SLC35G1: variants seen among roughly 807,000 people sequenced by gnomAD.
SLC35G1 encodes solute carrier family 35 member G1, also known as partner of STIM1.
A neutral mutation model predicts 17.1 loss-of-function variants in SLC35G1; 10 were observed. That is an observed-to-expected ratio of 0.59 (90% CI 0.36 to 0.99). The LOEUF is 0.99. Among genes scored for constraint, SLC35G1 ranks in the 50% least tolerant of loss-of-function variants. The pLI is 0.01. For missense variants in SLC35G1, 433 were observed against 468.4 expected, an observed-to-expected ratio of 0.92 and a Z score of 0.70; for synonymous variants, 185 against 181.1, an observed-to-expected ratio of 1.02 and a Z score of -0.18.
Position 93,894,208 on chromosome 10 carries a change from C to G in SLC35G1, c.175C>G (p.Pro59Ala). Reference sequence around the variant, plus strand: ...CTCGCCGTGTTGCTCCCGCACCGAGCCGGGTGAGTGCGCGGTGTGGATCGG... The same window carrying G: ...CTCGCCGTGTTGCTCCCGCACCGAGGCGGGTGAGTGCGCGGTGTGGATCGG... ...LSSPCCSRTE[P>A]EAKKKAPCPG... Residue 59 changes from proline (P) to alanine (A), a missense_variant, in exon 1 of 3, where the codon CCG becomes GCG. Pro to Ala is a conservative substitution (Grantham distance 27). Coordinates refer to ENST00000427197, the MANE Select transcript of SLC35G1 (RefSeq NM_001134658.3). The G allele has an allele frequency of 7.2e-7, 1 of 1,388,670 alleles. No individual in the cohort carries two copies. Among genetic ancestry groups the G allele is most frequent in the East Asian group, 3.1e-5 (1 of 32,566 alleles). 86.0% of individuals were successfully genotyped at this position (1,388,670 alleles called of 1,614,324 possible). A position where few individuals can be genotyped will look rare whatever the true frequency, so the allele number is the denominator to read the frequency against.
In SLC35G1 at chr10:93,901,118, A is replaced by G. The variant is rs766051384; in HGVS notation, c.726A>G (p.Leu242=). The change falls in exon 3 of 3, where the codon CTA becomes CTG. Residue 242 remains leucine (L), a synonymous_variant. Coordinates refer to ENST00000427197, the MANE Select transcript of SLC35G1 (RefSeq NM_001134658.3). Reference sequence around the variant, plus strand: ...TTGCTGCATCGACTCTAGTTATCCTAAGAAAAATGGGAAAATCTGTGGACT... The same window carrying G: ...TTGCTGCATCGACTCTAGTTATCCTGAGAAAAATGGGAAAATCTGTGGACT... ...AVFAASTLVI[L]RKMGKSVDYF... 2 of 1,613,978 alleles carry G rather than the reference A, an allele frequency of 1.2e-6. No individual in the cohort carries two copies. Among genetic ancestry groups the G allele is most frequent in the Admixed American group, 3.3e-5 (2 of 60,002 alleles).
downstream of SLC35G1, among the ~76,000 whole-genome samples, chr10:93,905,319 A>G (rs2060421518): frequency 6.6e-6 from 1 of 151,978 alleles, no homozygotes; most frequent in Non-Finnish European, 1.5e-5. Flanking sequence ...TGGGCATTAG[A>G]ATTTGGTTAT....
At chr10:93,907,311 T>C (rs1228345763), downstream of SLC35G1, 3 of 152,218 alleles carry the variant, frequency 2.0e-5, no homozygotes, top group Non-Finnish European at 4.4e-5. Flanking sequence ...CAGAAGTCTT[T>C]GGTACTTTGC....
chr10:93,903,581 G>C lies in SLC35G1; in HGVS notation c.*2091G>C, dbSNP rs2060410242. ...GGCCCATACACTAGAGACATGTTTT[G>C]TTTGAACAATGTAGTTTAAGTACTT... On this transcript the variant is annotated 3_prime_UTR_variant, in exon 3 of 3. Transcript: ENST00000427197. 1 of 152,128 alleles carries C rather than the reference G, an allele frequency of 6.6e-6. No homozygotes were observed. Among genetic ancestry groups the C allele is most frequent in the Non-Finnish European group, 1.5e-5 (1 of 68,014 alleles). 9.4% of individuals were successfully genotyped at this position (152,128 alleles called of 1,614,324 possible). A position where few individuals can be genotyped will look rare whatever the true frequency, so the allele number is the denominator to read the frequency against.
chr10:93,900,566 T>C (rs1045656822), intron 2 of SLC35G1, among the ~76,000 whole-genome samples, 186 bp from the exon 3 acceptor site: 9 of 152,284 alleles, frequency 5.9e-5, no homozygotes, highest in African/African-American at 1.7e-4. Flanking sequence ...TTTACTGTCA[T>C]TAACTATACT....
chr10:93,899,134 G>T (rs935825073), intron 2 of SLC35G1, among the ~76,000 whole-genome samples: 1 of 152,010 alleles, frequency 6.6e-6, no homozygotes, highest in Non-Finnish European at 1.5e-5. Context: ...TTTTAGAATG[G>T]GCTGCTTTCT....
intron 2 of SLC35G1, among the ~76,000 whole-genome samples, 200 bp downstream of exon 2, chr10:93,898,951 T>A (rs1034501756): frequency 1.3e-5 from 2 of 152,156 alleles, no homozygotes; most frequent in Admixed American, 1.3e-4. Context: ...CCCAACAAAG[T>A]GGGGAGAAAG....
At chr10:93,895,200 C>T (rs2060318089) in intron 1 of SLC35G1, among the ~76,000 whole-genome samples, 1 of 152,172 alleles carries the variant, frequency 6.6e-6, no homozygotes, top group African/African-American at 2.4e-5. Flanking sequence ...CCTCTCACTG[C>T]GCTTTCCCCT....
chr10:93,896,424 G>A (rs2060330654), intron 1 of SLC35G1, among the ~76,000 whole-genome samples: 1 of 152,178 alleles, frequency 6.6e-6, no homozygotes, highest in Admixed American at 6.5e-5. Flanking sequence ...ATTACACCAT[G>A]GCCACTTACC....
At chr10:93,909,331 A>G (rs2060445342) in exon 3 of SLC35G1, 2 of 152,062 alleles carry the variant, frequency 1.3e-5, no homozygotes, top group Admixed American at 6.5e-5. Context: ...TCCTGACTCC[A>G]CTATTCTGCT....
chr10:93,908,478 CTG>C (rs2060441033), downstream of SLC35G1: 1 of 152,254 alleles, frequency 6.6e-6, no homozygotes, highest in African/African-American at 2.4e-5. Context: ...TCATTTGTCA[CTG>C]TGGTGGAGAA....
intron 1 of SLC35G1, among the ~76,000 whole-genome samples, chr10:93,897,211 T>C (rs770623822): frequency 3.3e-5 from 5 of 152,164 alleles, no homozygotes; most frequent in Non-Finnish European, 5.9e-5. Flanking sequence ...AAGGGTGCCT[T>C]TGACCACAAG....
chr10:93,899,338 T>G (rs997570428), intron 2 of SLC35G1, among the ~76,000 whole-genome samples: 4 of 152,176 alleles, frequency 2.6e-5, no homozygotes, highest in Non-Finnish European at 4.4e-5. Context: ...GAGTGCCTTG[T>G]GTAGAGTGTA....
downstream of SLC35G1, among the ~76,000 whole-genome samples, chr10:93,905,001 G>T (rs2060419391): frequency 6.6e-6 from 1 of 152,104 alleles, no homozygotes; most frequent in Admixed American, 6.5e-5. Flanking sequence ...TCACTTCCTA[G>T]CTGATCTTCC....
In SLC35G1 at chr10:93,902,147, C is replaced by T. The variant is rs1406358381; in HGVS notation, c.*657C>T. 5 of 152,514 alleles carry T rather than the reference C, an allele frequency of 3.3e-5. No homozygotes were observed. The highest frequency in any genetic ancestry group is 7.4e-5 in the Non-Finnish European group (5 of 68,022). The allele number at this position is 152,514 out of a possible 1,614,324, so 9.4% of individuals were successfully genotyped here. Reference sequence around the variant, plus strand: ...TAATGCTGGAATTTTTATTATGTCACCTCTAAAACACTTAAATTGCCAAAT... The same window carrying T: ...TAATGCTGGAATTTTTATTATGTCATCTCTAAAACACTTAAATTGCCAAAT... On this transcript the variant is annotated 3_prime_UTR_variant, in exon 3 of 3. Transcript: ENST00000427197.
chr10:93,897,455 C>T (rs757708096), intron 1 of SLC35G1, among the ~76,000 whole-genome samples: 1 of 152,210 alleles, frequency 6.6e-6, no homozygotes, highest in Non-Finnish European at 1.5e-5. Context: ...TCCACTCACC[C>T]TTCAGTTCCA....
chr10:93,904,183 T>G (rs148073700), downstream of SLC35G1, among the ~76,000 whole-genome samples: 1,014 of 152,298 alleles, frequency 6.7e-3, 19 homozygotes, highest in African/African-American at 0.024. Flanking sequence ...ATTTATTCTT[T>G]CCTCACCATT....
chr10:93,897,807 C>G (rs1033257566), intron 1 of SLC35G1, among the ~76,000 whole-genome samples: 4 of 152,242 alleles, frequency 2.6e-5, no homozygotes, highest in Non-Finnish European at 4.4e-5. Flanking sequence ...GTACAAAGCA[C>G]TTGGGATCCA....
Position 93,901,708 on chromosome 10 carries a change from T to TTTG in SLC35G1, c.*231_*233dup, listed in dbSNP as rs35060262. 1 of 413,058 alleles carries TTTG rather than the reference T, an allele frequency of 2.4e-6. No individual in the cohort carries two copies. Among genetic ancestry groups the TTTG allele is most frequent in the Non-Finnish European group, 4.1e-6 (1 of 244,098 alleles). The allele number at this position is 413,058 out of a possible 1,614,324, so 25.6% of individuals were successfully genotyped here. Reference sequence around the variant, plus strand: ...AGCTTTGGTTTTGGTTTTGGTTTTTTTTGTTGTTGTTGTTGGGGTCAAGTT... The same window carrying TTTG: ...AGCTTTGGTTTTGGTTTTGGTTTTTTTTGTTGTTGTTGTTGTTGGGGTCAAGTT... On this transcript the variant is annotated 3_prime_UTR_variant, in exon 3 of 3. Transcript: ENST00000427197.
Sources: allele counts gnomAD v4.1 joint callset (sites outside exome capture counted in the v4.1 genomes callset), GRCh38; gene constraint gnomAD v4.1.1; transcripts MANE v1.5; gene names NCBI Gene and HGNC (gene_info 2026-07-23, HGNC 2026-07-21).